SNX24: variants seen among roughly 807,000 people sequenced by gnomAD.
SNX24 encodes sorting nexin 24.
Under a neutral mutation model 28.7 loss-of-function variants are expected in SNX24, and 22 were observed. The ratio of observed to expected loss-of-function variants is 0.77; its 90% confidence interval spans 0.55 to 1.10. The LOEUF (loss-of-function observed/expected upper bound fraction) is 1.10. SNX24 is among the 50% of genes least tolerant of loss of function. The probability of loss-of-function intolerance (pLI) is 0.00; values close to 1 mark genes in which losing one functional copy is unlikely to be tolerated. For synonymous variants in SNX24, 69 were observed against 71.5 expected, an observed-to-expected ratio of 0.96 and a Z score of 0.18; for missense variants, 221 against 201.1, an observed-to-expected ratio of 1.10 and a Z score of -0.60.
intron 3 of SNX24, among the ~76,000 whole-genome samples, chr5:122,992,387 A>G (rs923906473): frequency 6.6e-6 from 1 of 152,194 alleles, no homozygotes; most frequent in Non-Finnish European, 1.5e-5. Context: ...AAAGAAAAAA[A>G]TCCTTCACAT....
intron 1 of SNX24, among the ~76,000 whole-genome samples, chr5:122,847,574 A>G (rs766840321): frequency 1.4e-5 from 2 of 146,452 alleles, no homozygotes; most frequent in African/African-American, 5.1e-5. Flanking sequence ...GCTCACTGCA[A>G]CCTCTGCCTC....
At chr5:122,928,623 G>A (rs535488525) in intron 1 of SNX24, among the ~76,000 whole-genome samples, 1 of 151,970 alleles carries the variant, frequency 6.6e-6, no homozygotes, top group East Asian at 2.0e-4. Context: ...AAAAAGGTGG[G>A]GGCCTCAGTC....
At chr5:122,973,886 G>A (rs1761057769) in intron 3 of SNX24, among the ~76,000 whole-genome samples, 3 of 152,164 alleles carry the variant, frequency 2.0e-5, no homozygotes, top group Non-Finnish European at 4.4e-5. Context: ...ACCTATGAGG[G>A]CCTGCCAAAG....
intron 1 of SNX24, among the ~76,000 whole-genome samples, chr5:122,866,049 G>A (rs1012863403): frequency 3.5e-4 from 53 of 152,310 alleles, no homozygotes; most frequent in African/African-American, 1.2e-3. Context: ...TTTGTTTGCT[G>A]TATATACATA....
chr5:122,914,186 C>T (rs1055810057), intron 1 of SNX24, among the ~76,000 whole-genome samples: 1 of 152,140 alleles, frequency 6.6e-6, no homozygotes, highest in African/African-American at 2.4e-5. Context: ...TGTTTATATG[C>T]TGGATATACA....
At chr5:122,917,541 T>C (rs929445492) in intron 1 of SNX24, among the ~76,000 whole-genome samples, 13 of 152,166 alleles carry the variant, frequency 8.5e-5, no homozygotes, top group Admixed American at 1.3e-4. Context: ...TTTCAAACAT[T>C]CAGGACGGAG....
At chr5:122,986,908 A>G (rs1396518236) in intron 3 of SNX24, among the ~76,000 whole-genome samples, 1 of 152,142 alleles carries the variant, frequency 6.6e-6, no homozygotes, top group Non-Finnish European at 1.5e-5. Context: ...GTGAATAACT[A>G]GGAGAAAGAA....
At chr5:122,953,091 C>T (rs911190644) in intron 3 of SNX24, among the ~76,000 whole-genome samples, 40 of 107,308 alleles carry the variant, frequency 3.7e-4, no homozygotes, top group Non-Finnish European at 6.7e-4. Flanking sequence ...TTTTCCTTCC[C>T]TTTCCTTTCC....
At chr5:122,848,073 A>G (rs986714064) in intron 1 of SNX24, among the ~76,000 whole-genome samples, 12 of 152,082 alleles carry the variant, frequency 7.9e-5, no homozygotes, top group African/African-American at 2.9e-4. Flanking sequence ...CGTGTAAAAA[A>G]TATCTTTTTA....
chr5:123,012,348 T>G (rs986298322), downstream of SNX24, among the ~76,000 whole-genome samples: 8 of 152,220 alleles, frequency 5.3e-5, no homozygotes, highest in Non-Finnish European at 1.2e-4. Context: ...AAGGAAATTC[T>G]GACACATGCT....
intron 1 of SNX24, among the ~76,000 whole-genome samples, chr5:122,857,751 T>A (rs978640978): frequency 7.2e-5 from 11 of 152,348 alleles, no homozygotes; most frequent in South Asian, 2.1e-4. Flanking sequence ...CATTCTTTTT[T>A]ATGGCTGCAT....
chr5:122,956,261 C>T (rs1185808003), intron 3 of SNX24, among the ~76,000 whole-genome samples: 1 of 151,902 alleles, frequency 6.6e-6, no homozygotes. Context: ...TGAACAGTGT[C>T]CCAGGCCTGA....
chr5:123,010,042 C>T (rs1762541283), downstream of SNX24, among the ~76,000 whole-genome samples: 2 of 152,182 alleles, frequency 1.3e-5, no homozygotes, highest in African/African-American at 4.8e-5. Flanking sequence ...GGCCTCATAG[C>T]AGCACCCAGG....
intron 6 of SNX24, among the ~76,000 whole-genome samples, chr5:123,003,353 G>A (rs542316635): frequency 1.3e-5 from 2 of 152,154 alleles, no homozygotes; most frequent in Admixed American, 6.5e-5. Flanking sequence ...TCTCTGTAAC[G>A]TTTGCTTCTT....
intron 3 of SNX24, chr5:122,965,453 G>T (rs935391352): frequency 4.4e-6 from 2 of 455,270 alleles, no homozygotes; most frequent in Non-Finnish European, 8.8e-6. Flanking sequence ...AGAAATGTGG[G>T]TGCTTAATCA....
rs558389778 is a variant in SNX24, at chr5:122,902,071, G to C, written c.61-34663G>C. On this transcript the variant is annotated intron_variant, in intron 1 of 6. Transcript: ENST00000261369. ...TGTCTGTCCTTCATCTGGGCATTCA[G>C]CTCTTTGCCAGTAATCTCTGTGGCC... 2.0e-5 allele frequency among the ~76,000 whole-genome samples: 3 copies of C among 152,302 alleles called. No homozygotes were observed. In the South Asian group the frequency reaches 6.2e-4, roughly 32 times the overall value.
rs192639370 is a variant in SNX24 at position 122,929,810 on chromosome 5, T to A, written c.61-6924T>A. Among the ~76,000 whole-genome samples the A allele has an allele frequency of 2.0e-5, 3 of 152,258 alleles. No individual in the cohort carries two copies. The East Asian group carries it at 5.8e-4, about 29-fold the overall frequency. On this transcript the variant is annotated intron_variant, in intron 1 of 6. Transcript: ENST00000261369. ...ACTTTTAAGATCGCAAAGCTACATT[T>A]TAGGTTTTTTTTCTCTACTTTGTTT...
At chr5:122,854,565 AATCTT>A (rs1281546264) in intron 1 of SNX24, among the ~76,000 whole-genome samples, 1 of 152,104 alleles carries the variant, frequency 6.6e-6, no homozygotes, top group Non-Finnish European at 1.5e-5. Flanking sequence ...GTAAAAAAAA[AATCTT>A]ATGGCTTATC....
downstream of SNX24, among the ~76,000 whole-genome samples, chr5:123,012,461 T>A (rs894667189): frequency 6.6e-6 from 1 of 152,084 alleles, no homozygotes; most frequent in African/African-American, 2.4e-5. Flanking sequence ...GTAGTCAAAT[T>A]TATAGAGACA....
Sources: gnomAD v4.1 joint callset for allele counts (sites outside exome capture counted in the v4.1 genomes callset) on GRCh38, gnomAD v4.1.1 for gene constraint, MANE v1.5 for transcripts, NCBI Gene and HGNC (gene_info 2026-07-23, HGNC 2026-07-21) for gene names.